Variants in TET2 observed in about 807,000 individuals in gnomAD.
TET2 encodes methylcytosine dioxygenase TET2.
In TET2, 299 loss-of-function variants were observed where a neutral mutation model predicts 142.9. The ratio of observed to expected loss-of-function variants is 2.09; its 90% CI spans 1.90 to 2.30. The LOEUF is 2.30. Among genes scored for constraint, TET2 ranks in the 30% most tolerant of loss-of-function variants. The pLI is 0.00. For synonymous variants in TET2, 819 were observed against 849.0 expected, an observed-to-expected ratio of 0.96 and a Z score of 0.61; for missense variants, 2,418 against 2,378.0, an observed-to-expected ratio of 1.02 and a Z score of -0.35.
intron 2 of TET2, among the ~76,000 whole-genome samples, chr4:105,193,455 A>G (rs757263604): frequency 1.3e-5 from 2 of 152,230 alleles, no homozygotes; most frequent in Non-Finnish European, 2.9e-5. Flanking sequence ...TAATTAGAGC[A>G]GATGAGTAGA....
At chr4:105,212,581 T>C (rs1727234246) in intron 2 of TET2, among the ~76,000 whole-genome samples, 1 of 152,166 alleles carries the variant, frequency 6.6e-6, no homozygotes. Context: ...AATTTTCAAA[T>C]TGTGTATGGC....
In TET2 at chr4:105,244,584, ATGTTTTTTTT is replaced by A. The variant is rs1729485214; in HGVS notation, c.3803+808_3803+817del. ...TGAATGTTCACGGTGCTACACAGAA[ATGTTTTTTTT>A]TTTTTTTTTTTTTTTTTTGAGATGG... On this transcript the variant is annotated intron_variant, in intron 6 of 10. Transcript: ENST00000380013. Among the ~76,000 whole-genome samples, 12 of 116,756 alleles carry A rather than the reference ATGTTTTTTTT, an allele frequency of 1.0e-4. 1 individual carries two copies. The highest frequency in any genetic ancestry group is 9.1e-5 in the Admixed American group (1 of 10,994). The allele number at this position is 116,756 out of a possible 152,430, so 76.6% of individuals were successfully genotyped here. A position where few individuals can be genotyped will look rare whatever the true frequency, so the allele number is the denominator to read the frequency against.
chr4:105,200,142 T>G (rs964690934), intron 2 of TET2, among the ~76,000 whole-genome samples: 21 of 152,208 alleles, frequency 1.4e-4, no homozygotes, highest in African/African-American at 4.8e-4. Flanking sequence ...ATGGTTGAAC[T>G]AATTTACATT....
intron 1 of TET2, among the ~76,000 whole-genome samples, chr4:105,168,198 C>T (rs1184323811): frequency 6.6e-6 from 1 of 152,150 alleles, no homozygotes; most frequent in Non-Finnish European, 1.5e-5. Context: ...CATGCCTCTC[C>T]TCTGCTTAAA....
intron 4 of TET2, chr4:105,241,840 GTTGCA>G: frequency 8.0e-7 from 1 of 1,247,718 alleles, no homozygotes; most frequent in South Asian, 4.1e-5. Context: ...TTCACCTAGT[GTTGCA>G]AATGAGTACT....
At chr4:105,185,940 G>T (rs1243136645) in intron 1 of TET2, among the ~76,000 whole-genome samples, 4 of 151,864 alleles carry the variant, frequency 2.6e-5, no homozygotes, top group African/African-American at 9.7e-5. Flanking sequence ...TAAAAATGTA[G>T]ATATGGCTGG....
Position 105,259,659 on chromosome 4 carries a change from G to T in TET2, c.3844G>T (p.Gly1282Cys), listed in dbSNP as rs1460770215. 6.4e-7 allele frequency: 1 copy of T among 1,550,986 alleles called. No individual in the cohort carries two copies. The highest frequency in any genetic ancestry group is 8.7e-7 in the Non-Finnish European group (1 of 1,146,458). ...ACQGLDPETC[G>C]ASFSFGCSWS... ...TCAGGGGCTGGATCCAGAAACCTGT[G>T]GTGCCTCCTTCTCTTTTGGTTGTTC... Residue 1282 changes from glycine to cysteine, a missense_variant, in exon 7 of 11, where the codon GGT becomes TGT. By Grantham distance (159) the Gly-to-Cys change is radical. Transcript: ENST00000380013.
chr4:105,264,189 A>G (rs1730582615), intron 8 of TET2, among the ~76,000 whole-genome samples: 1 of 151,942 alleles, frequency 6.6e-6, no homozygotes, highest in Non-Finnish European at 1.5e-5. Flanking sequence ...ATGTTTTTAG[A>G]AATGTGTATG....
chr4:105,202,131 C>G (rs1333778145), intron 2 of TET2, among the ~76,000 whole-genome samples: 1 of 152,060 alleles, frequency 6.6e-6, no homozygotes, highest in African/African-American at 2.4e-5. Flanking sequence ...AAGACCCATC[C>G]TCATCTTCTT....
rs780475086 is a variant in TET2 at position 105,234,616 on chromosome 4, T to C, written c.674T>C (p.Leu225Pro). 6.2e-7 allele frequency: 1 copy of C among 1,614,076 alleles called. No individual in the cohort carries two copies. Among genetic ancestry groups the C allele is most frequent in the Non-Finnish European group, 8.5e-7 (1 of 1,179,992 alleles). ...TCCGTGGAACACACACATGGTGAAC[T>C]CCTGGAAAAAACACTGTCTCAATAT... Reference protein sequence around the residue: ...ASSVEHTHGELLEKTLSQYYP... With the variant: ...ASSVEHTHGEPLEKTLSQYYP... The change falls in exon 3 of 11, where the codon CTC (leucine) becomes CCC (proline). Residue 225 changes from leucine (L) to proline (P), a missense_variant. Coordinates refer to ENST00000380013, the MANE Select transcript of TET2 (RefSeq NM_001127208.3).
intron 6 of TET2, among the ~76,000 whole-genome samples, chr4:105,244,584 A>ATTTT (rs1237638072): frequency 8.6e-6 from 1 of 116,756 alleles, no homozygotes; most frequent in Non-Finnish European, 1.7e-5. Flanking sequence ...CTACACAGAA[A>ATTTT]TGTTTTTTTT....
chr4:105,276,251 T>A lies in TET2; in HGVS notation c.5741T>A (p.Leu1914Ter). 6.4e-7 allele frequency: 1 copy of A among 1,551,620 alleles called. No individual in the cohort carries two copies. The highest frequency in any genetic ancestry group is 8.7e-7 in the Non-Finnish European group (1 of 1,146,952). Residue 1914 changes from leucine to a stop codon, truncating the protein, a stop_gained, in exon 11 of 11, where the codon TTG (leucine) becomes TAG (stop). Coordinates refer to ENST00000380013, the MANE Select transcript of TET2 (RefSeq NM_001127208.3). LOFTEE classifies it high-confidence loss of function. ...HKSMNEPKHG[L>*]ALWEAKMAEK... ...AGCATGAATGAGCCAAAACATGGCT[T>A]GGCTCTTTGGGAAGCCAAAATGGCT...
At chr4:105,179,093 C>A (rs1471365576) in intron 1 of TET2, among the ~76,000 whole-genome samples, 1 of 152,144 alleles carries the variant, frequency 6.6e-6, no homozygotes, top group Non-Finnish European at 1.5e-5. Context: ...GGGCAACTGC[C>A]CCCATGATCC....
rs1320041547 is a variant in TET2, at chr4:105,163,848, AGAGAGAGT to A, written c.-193+16871_-193+16878del. Among the ~76,000 whole-genome samples, 555 of 113,226 alleles carry A rather than the reference AGAGAGAGT, an allele frequency of 4.9e-3. 4 individuals carry two copies. The highest frequency in any genetic ancestry group is 0.029 in the Admixed American group (319 of 11,098). The allele number at this position is 113,226 out of a possible 152,430, so 74.3% of individuals were successfully genotyped here. A position where few individuals can be genotyped will look rare whatever the true frequency, so the allele number is the denominator to read the frequency against. On this transcript the variant is annotated intron_variant, in intron 1 of 10. Coordinates refer to ENST00000380013, the MANE Select transcript of TET2 (RefSeq NM_001127208.3). ...GAGAGAGAGAGAGAGAGAGAGAGAG[AGAGAGAGT>A]GTGTGTGTGTGTGTGTGTGTGTGTG...
chr4:105,207,918 A>G (rs534621939), intron 2 of TET2, among the ~76,000 whole-genome samples: 14 of 152,242 alleles, frequency 9.2e-5, no homozygotes, highest in African/African-American at 2.9e-4. Context: ...CCTCACACCA[A>G]TGGGGAGTAT....
intron 3 of TET2, chr4:105,240,198 G>A (rs193182513): frequency 6.2e-4 from 173 of 278,688 alleles, no homozygotes; most frequent in African/African-American, 3.7e-3. Context: ...AGCACATGCT[G>A]TTGAAAAAAA....
At chr4:105,197,076 C>T (rs1285458464) in intron 2 of TET2, among the ~76,000 whole-genome samples, 1 of 152,152 alleles carries the variant, frequency 6.6e-6, no homozygotes, top group Non-Finnish European at 1.5e-5. Flanking sequence ...GCTTGAACCT[C>T]AGAGATACTT....
chr4:105,276,701 C>A lies in TET2; in HGVS notation c.*182C>A. On this transcript the variant is annotated 3_prime_UTR_variant, in exon 11 of 11. Transcript: ENST00000380013. ...TACCATAGCACTTAATTTTCACTGG[C>A]TCCCAAGTGGTCACAGATGGCATCT... is the stretch of plus-strand genomic sequence containing the variant. 1.5e-6 allele frequency: 1 copy of A among 648,224 alleles called. No homozygotes were observed. The highest frequency in any genetic ancestry group is 2.5e-6 in the Non-Finnish European group (1 of 403,260). 40.2% of individuals were successfully genotyped at this position (648,224 alleles called of 1,614,324 possible). A position where few individuals can be genotyped will look rare whatever the true frequency, so the allele number is the denominator to read the frequency against.
intron 1 of TET2, among the ~76,000 whole-genome samples, chr4:105,181,864 A>G (rs1230947301): frequency 6.6e-6 from 1 of 152,230 alleles, no homozygotes; most frequent in African/African-American, 2.4e-5. Context: ...AGTATGATTG[A>G]ATTTATAGCT....
Sources: gnomAD v4.1 joint callset for allele counts (sites outside exome capture counted in the v4.1 genomes callset) on GRCh38, gnomAD v4.1.1 for gene constraint, MANE v1.5 for transcripts, NCBI Gene and HGNC (gene_info 2026-07-23, HGNC 2026-07-21) for gene names.